The following SSBP2 variants were observed in gnomAD, a reference collection of about 807,000 sequenced individuals.
The protein encoded by SSBP2 is single stranded DNA binding protein 2.
Under a neutral mutation model 61.8 loss-of-function variants are expected in SSBP2, and 17 were observed. The observed-to-expected ratio is 0.28, with a 90% CI of 0.19 to 0.41. The LOEUF is 0.41. Ranked by LOEUF, SSBP2 falls within the 10% of genes least tolerant of loss-of-function variation. The probability of loss-of-function intolerance (pLI) is 1.00; values close to 1 mark genes in which losing one functional copy is unlikely to be tolerated. For missense variants in SSBP2, 310 were observed against 458.7 expected (o/e 0.68, Z 2.96); for synonymous variants, 139 against 141.3 (o/e 0.98, Z 0.12).
chr5:81,666,613 T>A (rs1241916615), intron 1 of SSBP2, among the ~76,000 whole-genome samples: 1 of 152,120 alleles, frequency 6.6e-6, no homozygotes, highest in Non-Finnish European at 1.5e-5. Context: ...ACTAATTAAA[T>A]CAATGTTATA....
At chr5:81,513,972 G>A (rs1301914808) in intron 4 of SSBP2, among the ~76,000 whole-genome samples, 3 of 152,100 alleles carry the variant, frequency 2.0e-5, no homozygotes, top group Admixed American at 6.6e-5. Context: ...TGATGATATA[G>A]TAAATGCAAA....
At chr5:81,720,026 G>A (rs1040478291) in intron 1 of SSBP2, among the ~76,000 whole-genome samples, 2 of 152,018 alleles carry the variant, frequency 1.3e-5, no homozygotes, top group African/African-American at 4.8e-5. Flanking sequence ...CTATCTCTGG[G>A]AATTATCCAG....
At chr5:81,745,686 T>A (rs780546134) in intron 1 of SSBP2, among the ~76,000 whole-genome samples, 7 of 152,236 alleles carry the variant, frequency 4.6e-5, no homozygotes, top group Non-Finnish European at 8.8e-5. Flanking sequence ...ATCCTATTTT[T>A]AAATTATATA....
chr5:81,742,062 A>G (rs561029150), intron 1 of SSBP2, among the ~76,000 whole-genome samples: 2 of 152,342 alleles, frequency 1.3e-5, no homozygotes, highest in South Asian at 4.1e-4. Context: ...CCCTAGCTGC[A>G]TAAGTCAATT....
chr5:81,658,578 AT>A (rs1472292855), intron 1 of SSBP2, among the ~76,000 whole-genome samples: 1 of 150,258 alleles, frequency 6.7e-6, no homozygotes, highest in Non-Finnish European at 1.5e-5. Context: ...TGTTGATTTT[AT>A]TTTTTTCCAA....
chr5:81,553,613 G>C (rs911297023), intron 4 of SSBP2, among the ~76,000 whole-genome samples: 1 of 151,928 alleles, frequency 6.6e-6, no homozygotes, highest in Non-Finnish European at 1.5e-5. Flanking sequence ...TAGAAATTCA[G>C]TAACAAACAT....
intron 1 of SSBP2, among the ~76,000 whole-genome samples, chr5:81,692,958 C>G (rs1225965193): frequency 6.6e-6 from 1 of 152,036 alleles, no homozygotes; most frequent in Non-Finnish European, 1.5e-5. Context: ...GTAATCCCAG[C>G]ACTTTGGGAG....
rs564363569 is a variant in SSBP2 at position 81,699,811 on chromosome 5, G to A, written c.63-49472C>T. On this transcript the variant is annotated intron_variant, in intron 1 of 16. Coordinates refer to ENST00000320672, the MANE Select transcript of SSBP2 (RefSeq NM_012446.5). ...AAATTTACTTTGCCCAAATTCAACAGAGGAATCACTATTTATGACAGATAG... is the reference window on the plus strand; with the variant it reads ...AAATTTACTTTGCCCAAATTCAACAAAGGAATCACTATTTATGACAGATAG... Among the ~76,000 whole-genome samples the A allele has an allele frequency of 4.0e-5, 6 of 151,462 alleles. No individual in the cohort carries two copies. The South Asian group carries it at 1.0e-3, about 26-fold the overall frequency.
At chr5:81,443,206 G>C (rs1157850566) in intron 12 of SSBP2, 3 of 152,096 alleles carry the variant, frequency 2.0e-5, no homozygotes, top group African/African-American at 7.2e-5. Flanking sequence ...AAAAAGATTA[G>C]AGTAAGAGTA....
intron 5 of SSBP2, among the ~76,000 whole-genome samples, chr5:81,507,351 C>A (rs564104127): frequency 1.3e-5 from 2 of 152,174 alleles, no homozygotes; most frequent in African/African-American, 4.8e-5. Flanking sequence ...ATCTTATCCA[C>A]GTCAAAGTCT....
At chr5:81,643,695 C>T (rs1249641396) in intron 2 of SSBP2, among the ~76,000 whole-genome samples, 2 of 147,778 alleles carry the variant, frequency 1.4e-5, no homozygotes, top group Non-Finnish European at 3.0e-5. Context: ...CTCCACTGCC[C>T]AGGCTCAAGC....
At chr5:81,539,064 T>TA (rs910167226) in intron 4 of SSBP2, among the ~76,000 whole-genome samples, 2 of 152,200 alleles carry the variant, frequency 1.3e-5, no homozygotes, top group Non-Finnish European at 2.9e-5. Context: ...CTGGAAAAAG[T>TA]AAATAGAAAA....
At chr5:81,568,784 C>A (rs1773630307) in intron 4 of SSBP2, among the ~76,000 whole-genome samples, 1 of 152,062 alleles carries the variant, frequency 6.6e-6, no homozygotes, top group Admixed American at 6.6e-5. Flanking sequence ...AAGTAACAAG[C>A]CAAAATTTGA....
At chr5:81,453,646 C>T (rs542885040) in intron 10 of SSBP2, among the ~76,000 whole-genome samples, 19 of 151,764 alleles carry the variant, frequency 1.3e-4, no homozygotes, top group Non-Finnish European at 2.1e-4. Flanking sequence ...TTAGTAGAGA[C>T]GGGGTTTCAC....
At chr5:81,600,991 C>T (rs1490062536) in intron 4 of SSBP2, among the ~76,000 whole-genome samples, 4 of 152,044 alleles carry the variant, frequency 2.6e-5, no homozygotes, top group African/African-American at 7.2e-5. Flanking sequence ...AAGCAAAAGG[C>T]GTTGCACTAT....
chr5:81,609,471 A>G (rs1454900289), intron 4 of SSBP2, among the ~76,000 whole-genome samples: 1 of 152,226 alleles, frequency 6.6e-6, no homozygotes, highest in East Asian at 1.9e-4. Flanking sequence ...CACAGCTCGT[A>G]TACCTTTCCA....
chr5:81,585,253 T>G (rs916464774), intron 4 of SSBP2, among the ~76,000 whole-genome samples: 1 of 152,062 alleles, frequency 6.6e-6, no homozygotes, highest in Admixed American at 6.6e-5. Context: ...TCCTTTGCCC[T>G]TTTTTTCTAC....
At chr5:81,698,805 C>T (rs1044171976) in intron 1 of SSBP2, among the ~76,000 whole-genome samples, 1 of 152,256 alleles carries the variant, frequency 6.6e-6, no homozygotes, top group South Asian at 2.1e-4. Flanking sequence ...AGGACTCCAT[C>T]TCAAAAAATA....
intron 8 of SSBP2, 61 bp downstream of exon 8, chr5:81,473,639 T>G: frequency 7.1e-7 from 1 of 1,412,372 alleles, no homozygotes; most frequent in South Asian, 1.2e-5. Context: ...CAGTCTATCA[T>G]TGATGGGCAT....
Sources: allele counts gnomAD v4.1 joint callset (sites outside exome capture counted in the v4.1 genomes callset), GRCh38; gene constraint gnomAD v4.1.1; transcripts MANE v1.5; gene names NCBI Gene and HGNC (gene_info 2026-07-23, HGNC 2026-07-21).